Variants in GPR158 observed in about 807,000 individuals in gnomAD.
The protein encoded by GPR158 is G protein-coupled receptor 158.
In GPR158, 30 loss-of-function variants were observed where a neutral mutation model predicts 78.2. The ratio of observed to expected loss-of-function variants is 0.38; its 90% CI spans 0.29 to 0.52. The LOEUF (loss-of-function observed/expected upper bound fraction) is 0.52, where lower values mean the gene tolerates loss of function less well. GPR158 is among the 20% of genes least tolerant of loss of function. The probability of loss-of-function intolerance (pLI) is 0.83; values close to 1 mark genes in which losing one functional copy is unlikely to be tolerated. For missense variants in GPR158, 1,463 were observed against 1,523.5 expected, an observed-to-expected ratio of 0.96 and a Z score of 0.66; for synonymous variants, 581 against 591.1, an observed-to-expected ratio of 0.98 and a Z score of 0.25.
intron 3 of GPR158, among the ~76,000 whole-genome samples, chr10:25,402,395 A>G (rs1834459516): frequency 6.6e-6 from 1 of 152,102 alleles, no homozygotes; most frequent in Admixed American, 6.6e-5. Context: ...CGCAAAGGAC[A>G]TTATTCTGGC....
rs1837381789 is a variant in GPR158 at position 25,594,945 on chromosome 10, TGACA to T, written c.1998+549_1998+552del. On this transcript the variant is annotated intron_variant, in intron 9 of 10. Transcript: ENST00000376351. Reference sequence around the variant, plus strand: ...CCTTCCAGAAACTGGCTGTGTGTTATGACACTAGCCAGGACTTTTGATTTTTTGT... The same window carrying T: ...CCTTCCAGAAACTGGCTGTGTGTTATCTAGCCAGGACTTTTGATTTTTTGT... Among the ~76,000 whole-genome samples the T allele has an allele frequency of 3.9e-5, 6 of 152,302 alleles. No homozygotes were observed. The South Asian group carries it at 1.0e-3, about 26-fold the overall frequency.
chr10:25,594,212 A>G, intron 8 of GPR158, 80 bp from the exon 9 acceptor site: 2 of 777,828 alleles, frequency 2.6e-6, no homozygotes, highest in Non-Finnish European at 4.6e-6. Flanking sequence ...ACAATGAGGA[A>G]AAAAGAGTTC....
intron 2 of GPR158, among the ~76,000 whole-genome samples, chr10:25,354,187 C>T (rs936950977): frequency 6.6e-6 from 1 of 151,822 alleles, no homozygotes; most frequent in African/African-American, 2.4e-5. Flanking sequence ...AACACACTCT[C>T]TACTAAAAAT....
rs1214091614 is a variant in GPR158 at position 25,176,339 on chromosome 10, G to A, written c.902+17G>A. On this transcript the variant is annotated intron_variant, in intron 1 of 10. Coordinates refer to ENST00000376351, the MANE Select transcript of GPR158 (RefSeq NM_020752.3). This position sits in a 1 kb window ranked among gnomAD's most constrained non-coding sequence, Gnocchi z 6.3. ...GGAATTCAGGTAGGGAGGGCCGGGG[G>A]GCAGGGGGGAAGGCAAAAGCGAAGC... 3 of 1,545,982 alleles carry A rather than the reference G, an allele frequency of 1.9e-6. No homozygotes were observed. The highest frequency in any genetic ancestry group is 2.6e-6 in the Non-Finnish European group (3 of 1,145,516).
chr10:25,298,880 A>G (rs1356241615), intron 2 of GPR158, among the ~76,000 whole-genome samples: 3 of 152,160 alleles, frequency 2.0e-5, no homozygotes, highest in Non-Finnish European at 2.9e-5. Flanking sequence ...CTCCATGTTT[A>G]TTTATTTACC....
At chr10:25,531,559 G>A (rs1398923770) in intron 5 of GPR158, among the ~76,000 whole-genome samples, 2 of 152,106 alleles carry the variant, frequency 1.3e-5, no homozygotes, top group East Asian at 1.9e-4. Context: ...GTGTCCTCTC[G>A]AAAGAGATGA....
intron 2 of GPR158, among the ~76,000 whole-genome samples, chr10:25,279,778 T>C (rs896333879): frequency 2.0e-5 from 3 of 152,100 alleles, no homozygotes; most frequent in Admixed American, 6.5e-5. Context: ...CTCAGGGGAA[T>C]TGGGTTTTCT....
At chr10:25,514,664 T>C (rs1836136323) in intron 5 of GPR158, among the ~76,000 whole-genome samples, 1 of 152,202 alleles carries the variant, frequency 6.6e-6, no homozygotes, top group African/African-American at 2.4e-5. Flanking sequence ...CAAGGATTTA[T>C]TTCAAGATTT....
chr10:25,580,050 T>C (rs1280223160), intron 7 of GPR158, among the ~76,000 whole-genome samples: 1 of 152,128 alleles, frequency 6.6e-6, no homozygotes, highest in Non-Finnish European at 1.5e-5. Context: ...ACATGAGGAG[T>C]CTCATGGTTC....
chr10:25,317,716 G>GTTTTGTTTTTTTTTTTTTTTTTTT (rs1554793351), intron 2 of GPR158, among the ~76,000 whole-genome samples: 2 of 134,064 alleles, frequency 1.5e-5, no homozygotes, highest in African/African-American at 3.2e-5. Context: ...TTCGTAAAGT[G>GTTTTGTTTTTTTTTTTTTTTTTTT]TTTTTTTTTG....
At chr10:25,372,871 TAAATA>T (rs1486576564) in intron 2 of GPR158, among the ~76,000 whole-genome samples, 4 of 150,676 alleles carry the variant, frequency 2.7e-5, no homozygotes, top group Non-Finnish European at 5.9e-5. Context: ...AATAAATAAA[TAAATA>T]AAATGGAAAT....
Position 25,594,415 on chromosome 10 carries a change from CTTTT to C in GPR158, c.1998+25_1998+28del. On this transcript the variant is annotated intron_variant, in intron 9 of 10. Transcript: ENST00000376351. The stretch of plus-strand genomic sequence containing the variant: ...TTCCAAAGGTATTCTTCTAATATTA[CTTTT>C]TTTTTTGCAAAACTTATTTTTAATG... The C allele has an allele frequency of 9.5e-7, 1 of 1,055,024 alleles. No individual in the cohort carries two copies. The highest frequency in any genetic ancestry group is 2.3e-5 in the Admixed American group (1 of 43,420). The allele number at this position is 1,055,024 out of a possible 1,614,324, so 65.4% of individuals were successfully genotyped here.
intron 5 of GPR158, among the ~76,000 whole-genome samples, chr10:25,480,638 TTATC>T (rs1162231899): frequency 2.0e-5 from 3 of 152,240 alleles, no homozygotes; most frequent in Non-Finnish European, 4.4e-5. Context: ...TTTTCAAGCT[TTATC>T]TATCTTGTAG....
intron 5 of GPR158, among the ~76,000 whole-genome samples, chr10:25,543,490 A>G (rs542485143): frequency 2.6e-5 from 4 of 152,264 alleles, no homozygotes; most frequent in African/African-American, 9.6e-5. Flanking sequence ...AATTTTTTGT[A>G]TAAATTTAAG....
chr10:25,495,391 C>G (rs1466513192), intron 5 of GPR158, among the ~76,000 whole-genome samples: 2 of 141,548 alleles, frequency 1.4e-5, no homozygotes, highest in African/African-American at 5.3e-5. Flanking sequence ...CTCCCAGGTT[C>G]ACACCATTCT....
At chr10:25,333,187 C>G (rs1432231287) in intron 2 of GPR158, among the ~76,000 whole-genome samples, 1 of 151,974 alleles carries the variant, frequency 6.6e-6, no homozygotes. Context: ...TTTTCATTTC[C>G]TGGAATTCTC....
chr10:25,363,864 T>C (rs1855677926), intron 2 of GPR158, among the ~76,000 whole-genome samples: 1 of 151,930 alleles, frequency 6.6e-6, no homozygotes, highest in Non-Finnish European at 1.5e-5. Context: ...CTGACAACTT[T>C]ATTACATAAA....
At chr10:25,522,941 A>T (rs1285127426) in intron 5 of GPR158, among the ~76,000 whole-genome samples, 1 of 151,846 alleles carries the variant, frequency 6.6e-6, no homozygotes, top group East Asian at 1.9e-4. Flanking sequence ...TATTTTTTTT[A>T]AACTTAAAAA....
chr10:25,521,225 G>A (rs994660726), intron 5 of GPR158, among the ~76,000 whole-genome samples: 32 of 152,254 alleles, frequency 2.1e-4, no homozygotes, highest in African/African-American at 5.3e-4. Context: ...GCTTCGGCTC[G>A]CGCACGGTGC....
Sources: gnomAD v4.1 joint callset for allele counts (sites outside exome capture counted in the v4.1 genomes callset) on GRCh38, gnomAD v4.1.1 for gene constraint, Gnocchi (gnomAD v3.1) non-coding constraint, MANE v1.5 for transcripts, NCBI Gene and HGNC (gene_info 2026-07-23, HGNC 2026-07-21) for gene names.